Variants in SOX5 observed in about 807,000 individuals in gnomAD.
SOX5 encodes the protein transcription factor SOX-5.
SOX5 carries 9 observed loss-of-function variants against 92.0 expected under a neutral mutation model. The ratio of observed to expected loss-of-function variants is 0.10; its 90% CI spans 0.06 to 0.17. SOX5 has a LOEUF of 0.17. Ranked by LOEUF, SOX5 falls within the 10% of genes least tolerant of loss-of-function variation. The pLI is 1.00. For synonymous variants in SOX5, 344 were observed against 336.3 expected, an observed-to-expected ratio of 1.02 and a Z score of -0.25; for missense variants, 642 against 944.5, an observed-to-expected ratio of 0.68 and a Z score of 4.20.
At chr12:24,289,455 T>TCCTGTAGAGCAAAAGGCAGG (rs1565836087) in intron 2 of SOX5, among the ~76,000 whole-genome samples, 12 of 5,368 alleles carry the variant, frequency 2.2e-3, no homozygotes, top group Non-Finnish European at 9.5e-3. Context: ...ATTTGTATCT[T>TCCTGTAGAGCAAAAGGCAGG]TTTTTTTTTT....
At chr12:23,796,890 A>AATATTTATATAT (rs1477621370) in intron 3 of SOX5, among the ~76,000 whole-genome samples, 1 of 134,910 alleles carries the variant, frequency 7.4e-6, no homozygotes, top group African/African-American at 2.7e-5. Flanking sequence ...AATATATATA[A>AATATTTATATAT]ATATTTATAT....
At chr12:24,339,255 TG>T (rs1442802534) in intron 2 of SOX5, among the ~76,000 whole-genome samples, 1 of 151,478 alleles carries the variant, frequency 6.6e-6, no homozygotes, top group Non-Finnish European at 1.5e-5. Flanking sequence ...ATGGAGTATG[TG>T]TGGCATGAAT....
At chr12:24,448,742 C>T (rs942156386) in intron 1 of SOX5, among the ~76,000 whole-genome samples, 1 of 152,086 alleles carries the variant, frequency 6.6e-6, no homozygotes, top group Non-Finnish European at 1.5e-5. Flanking sequence ...ACCTTTTTAA[C>T]TACGTTATTG....
intron 1 of SOX5, among the ~76,000 whole-genome samples, chr12:24,483,976 G>T (rs1392909122): frequency 6.6e-6 from 1 of 152,144 alleles, no homozygotes; most frequent in Non-Finnish European, 1.5e-5. Flanking sequence ...AATTATATTT[G>T]TATTGTCCAT....
intron 4 of SOX5, among the ~76,000 whole-genome samples, chr12:23,973,778 T>C (rs1948614671): frequency 6.6e-6 from 1 of 152,208 alleles, no homozygotes; most frequent in South Asian, 2.1e-4. Flanking sequence ...ATCTGAGCTC[T>C]GTCTCTTTCT....
chr12:23,584,585 C>T (rs753169077), intron 9 of SOX5: 5 of 1,610,570 alleles, frequency 3.1e-6, no homozygotes, highest in Non-Finnish European at 4.2e-6. Flanking sequence ...CTCCAACAGT[C>T]TGGTGAACCC....
intron 2 of SOX5, among the ~76,000 whole-genome samples, chr12:24,320,869 A>AC (rs1950149345): frequency 6.8e-6 from 1 of 146,034 alleles, no homozygotes; most frequent in Non-Finnish European, 1.5e-5. Flanking sequence ...TGTCTCAAAA[A>AC]AAAATAATAA....
rs535310936 is a variant in SOX5 at position 23,532,735 on chromosome 12, C to G, written c.*1484G>C. 1.9e-5 allele frequency: 3 copies of G among 154,270 alleles called. No homozygotes were observed. In the South Asian group the frequency reaches 6.0e-4, roughly 31 times the overall value. 9.6% of individuals were successfully genotyped at this position (154,270 alleles called of 1,614,324 possible). On this transcript the variant is annotated 3_prime_UTR_variant, in exon 15 of 15. Transcript: ENST00000451604. ...CATGAACTACATATGGCCCACACTT[C>G]TGAAATGCTAAAGGCCTCCACCTCA...
chr12:23,928,412 A>T (rs909129119), intron 1 of SOX5, among the ~76,000 whole-genome samples: 3 of 152,080 alleles, frequency 2.0e-5, no homozygotes, highest in African/African-American at 7.2e-5. Context: ...CTTTAATATT[A>T]AAGCCCAAGA....
chr12:23,569,086 G>A (rs1052417180), intron 10 of SOX5, among the ~76,000 whole-genome samples: 2 of 152,152 alleles, frequency 1.3e-5, no homozygotes, highest in Non-Finnish European at 2.9e-5. Context: ...AGCTACTTGG[G>A]GGGCTGAGGC....
chr12:24,039,483 G>A (rs1180528883), intron 4 of SOX5, among the ~76,000 whole-genome samples: 2 of 152,112 alleles, frequency 1.3e-5, no homozygotes, highest in Admixed American at 1.3e-4. Context: ...AAACTCTGCA[G>A]CATTGTTGCA....
intron 4 of SOX5, among the ~76,000 whole-genome samples, chr12:24,119,656 T>A (rs568913044): frequency 4.8e-4 from 73 of 152,228 alleles, no homozygotes; most frequent in African/African-American, 1.6e-3. Context: ...TCCATTGAAT[T>A]TTACAAACCT....
chr12:23,613,102 A>G (rs1249858502), intron 8 of SOX5, among the ~76,000 whole-genome samples: 1 of 152,166 alleles, frequency 6.6e-6, no homozygotes, highest in Non-Finnish European at 1.5e-5. Context: ...CTTCAAGTGT[A>G]ATGCATGAAA....
At chr12:23,551,153 A>G (rs1413238503) in intron 11 of SOX5, among the ~76,000 whole-genome samples, 2 of 152,000 alleles carry the variant, frequency 1.3e-5, no homozygotes, top group Non-Finnish European at 2.9e-5. Context: ...TTGACTCAGT[A>G]ACAGTTAAAC....
intron 6 of SOX5, among the ~76,000 whole-genome samples, chr12:23,699,369 T>C (rs1385335183): frequency 3.3e-5 from 5 of 152,170 alleles, no homozygotes; most frequent in African/African-American, 1.2e-4. Flanking sequence ...TTATGAGGCA[T>C]GGTTAATCTG....
At chr12:24,485,525 CG>C (rs1946428204) in intron 1 of SOX5, among the ~76,000 whole-genome samples, 1 of 152,104 alleles carries the variant, frequency 6.6e-6, no homozygotes, top group Non-Finnish European at 1.5e-5. Context: ...TGGCTTTCTG[CG>C]TGGCAACTAC....
chr12:24,025,773 T>C (rs1316649854), intron 4 of SOX5, among the ~76,000 whole-genome samples: 1 of 152,070 alleles, frequency 6.6e-6, no homozygotes, highest in Non-Finnish European at 1.5e-5. Flanking sequence ...CTGCAATTAC[T>C]GAAAAAATTC....
chr12:24,224,524 A>C (rs1961406835), intron 3 of SOX5, among the ~76,000 whole-genome samples: 1 of 152,096 alleles, frequency 6.6e-6, no homozygotes, highest in Non-Finnish European at 1.5e-5. Context: ...GCAAATGATT[A>C]AGAATATTCT....
chr12:24,491,865 G>GT (rs983730288), intron 1 of SOX5, among the ~76,000 whole-genome samples: 4 of 151,922 alleles, frequency 2.6e-5, no homozygotes, highest in African/African-American at 7.3e-5. Flanking sequence ...AAGCAGAGTT[G>GT]TTTTTTTGGT....
Sources: gnomAD v4.1 joint callset for allele counts (sites outside exome capture counted in the v4.1 genomes callset) on GRCh38, gnomAD v4.1.1 for gene constraint, MANE v1.5 for transcripts, NCBI Gene and HGNC (gene_info 2026-07-23, HGNC 2026-07-21) for gene names.